RBFOX1: variants seen among roughly 807,000 people sequenced by gnomAD.
RBFOX1 encodes the protein RNA binding fox-1 homolog 1.
Under a neutral mutation model 57.7 loss-of-function variants are expected in RBFOX1, and 8 were observed. The ratio of observed to expected loss-of-function variants is 0.14; its 90% confidence interval spans 0.08 to 0.25. The LOEUF (loss-of-function observed/expected upper bound fraction) is 0.25, where lower values mean the gene tolerates loss of function less well. RBFOX1 is among the 10% of genes least tolerant of loss of function. The pLI, the probability that RBFOX1 is intolerant of heterozygous loss-of-function variation, is 1.00. For missense variants in RBFOX1, 611 were observed against 548.5 expected, an observed-to-expected ratio of 1.11 and a Z score of -1.14; for synonymous variants, 326 against 222.4, an observed-to-expected ratio of 1.47 and a Z score of -4.15.
At chr16:6,608,714 G>T (rs1176531999) in intron 2 of RBFOX1, among the ~76,000 whole-genome samples, 1 of 152,206 alleles carries the variant, frequency 6.6e-6, no homozygotes, top group Non-Finnish European at 1.5e-5. Flanking sequence ...TGACGCTACA[G>T]TGAGCCATGA....
intron 4 of RBFOX1, among the ~76,000 whole-genome samples, chr16:7,064,949 G>A (rs1028883940): frequency 1.3e-5 from 2 of 152,130 alleles, no homozygotes; most frequent in East Asian, 3.9e-4. Flanking sequence ...CTCCCTTGGG[G>A]GATAGAGATG....
At chr16:5,706,401 G>C (rs1037973320) in intron 3 of RBFOX1, among the ~76,000 whole-genome samples, 1 of 152,204 alleles carries the variant, frequency 6.6e-6, no homozygotes. Flanking sequence ...GCACTGCCTT[G>C]CTTCTTGTTT....
chr16:7,607,861 C>T (rs2056651499), intron 10 of RBFOX1, among the ~76,000 whole-genome samples: 1 of 152,182 alleles, frequency 6.6e-6, no homozygotes, highest in African/African-American at 2.4e-5. Context: ...TTAGCAATTC[C>T]TTTTCTCTCT....
chr16:6,024,490 T>A (rs2095147727), intron 1 of RBFOX1, among the ~76,000 whole-genome samples: 1 of 151,564 alleles, frequency 6.6e-6, no homozygotes, highest in South Asian at 2.1e-4. Context: ...TCTACTCATC[T>A]CCGCTTTCTT....
chr16:5,300,062 A>G (rs887174063), intron 1 of RBFOX1, among the ~76,000 whole-genome samples: 2 of 151,708 alleles, frequency 1.3e-5, no homozygotes, highest in Non-Finnish European at 1.5e-5. Context: ...GAAAATTGTA[A>G]GTTTTTTTTT....
At chr16:6,381,104 C>G (rs2091766033) in intron 2 of RBFOX1, among the ~76,000 whole-genome samples, 1 of 152,052 alleles carries the variant, frequency 6.6e-6, no homozygotes, top group African/African-American at 2.4e-5. Flanking sequence ...TGGAGGAAAT[C>G]AAATGGGAGA....
chr16:6,817,228 A>G (rs1249125038), intron 3 of RBFOX1, among the ~76,000 whole-genome samples: 2 of 152,030 alleles, frequency 1.3e-5, no homozygotes, highest in Non-Finnish European at 2.9e-5. Context: ...TGTTGCAGAG[A>G]TTTTAAAGTG....
intron 1 of RBFOX1, among the ~76,000 whole-genome samples, chr16:5,423,495 T>C (rs2067418240): frequency 6.6e-6 from 1 of 152,192 alleles, no homozygotes. Flanking sequence ...CATTTTGAGC[T>C]TCCGCCACCA....
At chr16:7,466,256 C>T (rs903456997) in intron 4 of RBFOX1, among the ~76,000 whole-genome samples, 4 of 152,150 alleles carry the variant, frequency 2.6e-5, no homozygotes, top group Admixed American at 2.6e-4. Context: ...AAGTATTGTA[C>T]GTACAGTTAA....
chr16:6,539,607 G>T (rs1305611623), intron 2 of RBFOX1, among the ~76,000 whole-genome samples: 1 of 152,092 alleles, frequency 6.6e-6, no homozygotes, highest in African/African-American at 2.4e-5. Context: ...AGACCAGCCT[G>T]CCCTACATGG....
intron 13 of RBFOX1, among the ~76,000 whole-genome samples, chr16:7,670,421 T>C (rs1012522908): frequency 3.3e-5 from 5 of 152,228 alleles, no homozygotes; most frequent in African/African-American, 1.2e-4. Flanking sequence ...ATTTGACTAC[T>C]GAGTTTAATG....
chr16:7,055,234 T>G (rs900870825), intron 4 of RBFOX1, among the ~76,000 whole-genome samples: 1 of 152,176 alleles, frequency 6.6e-6, no homozygotes, highest in Admixed American at 6.5e-5. Flanking sequence ...TTTTTCTAAC[T>G]CAGCTGACTA....
At chr16:5,951,796 A>T (rs1050843282) in intron 4 of RBFOX1, among the ~76,000 whole-genome samples, 2 of 151,566 alleles carry the variant, frequency 1.3e-5, no homozygotes, top group East Asian at 3.9e-4. Flanking sequence ...TTAAAAGTTA[A>T]AAGTTAAAGT....
intron 2 of RBFOX1, among the ~76,000 whole-genome samples, chr16:6,543,935 A>G (rs577411788): frequency 5.6e-4 from 86 of 152,318 alleles, no homozygotes; most frequent in African/African-American, 2.0e-3. Context: ...AATAAAAAGT[A>G]TAAGGGCATT....
intron 3 of RBFOX1, among the ~76,000 whole-genome samples, chr16:6,784,586 C>G (rs1027044947): frequency 6.6e-6 from 1 of 152,116 alleles, no homozygotes; most frequent in African/African-American, 2.4e-5. Flanking sequence ...TGAGAGGTCA[C>G]ATATCTCTGT....
intron 2 of RBFOX1, among the ~76,000 whole-genome samples, chr16:6,541,784 A>G (rs9925263): frequency 0.17 from 25,578 of 152,006 alleles, 2,434 homozygotes; most frequent in East Asian, 0.37. Flanking sequence ...AAATATGAGG[A>G]CTAGACCCTA....
At chr16:7,108,812 G>A (rs562303010) in intron 4 of RBFOX1, among the ~76,000 whole-genome samples, 15 of 152,138 alleles carry the variant, frequency 9.9e-5, no homozygotes, top group Non-Finnish European at 1.8e-4. Flanking sequence ...CTTGTTTGTT[G>A]TACCTAAATC....
intron 2 of RBFOX1, among the ~76,000 whole-genome samples, chr16:6,536,678 G>C (rs757455349): frequency 1.4e-4 from 21 of 152,008 alleles, no homozygotes; most frequent in Non-Finnish European, 2.8e-4. Flanking sequence ...GGATTGCTAT[G>C]ATATCTTCAG....
intron 4 of RBFOX1, among the ~76,000 whole-genome samples, chr16:7,107,299 C>T (rs1171983582): frequency 6.6e-6 from 1 of 152,024 alleles, no homozygotes; most frequent in Non-Finnish European, 1.5e-5. Context: ...GATGTAAATG[C>T]CTTCTGGGGC....
Sources: allele counts gnomAD v4.1 joint callset (sites outside exome capture counted in the v4.1 genomes callset), GRCh38; gene constraint gnomAD v4.1.1; transcripts MANE v1.5; gene names NCBI Gene and HGNC (gene_info 2026-07-23, HGNC 2026-07-21).